The following KLHL5 variants were observed in gnomAD, a reference collection of about 807,000 sequenced individuals.
The protein encoded by KLHL5 is kelch-like protein 5.
Under a neutral mutation model 77.7 loss-of-function variants are expected in KLHL5, and 48 were observed. The observed-to-expected ratio is 0.62, with a 90% CI of 0.49 to 0.79. The LOEUF (loss-of-function observed/expected upper bound fraction) is 0.79, where lower values mean the gene tolerates loss of function less well. Among genes scored for constraint, KLHL5 ranks in the 30% least tolerant of loss-of-function variants. KLHL5 has a pLI of 0.00. For synonymous variants in KLHL5, 260 were observed against 297.0 expected (o/e 0.88, Z 1.28); for missense variants, 723 against 859.7 (o/e 0.84, Z 1.99).
intron 1 of KLHL5, among the ~76,000 whole-genome samples, chr4:39,073,217 A>G (rs544980864): frequency 2.4e-4 from 37 of 152,300 alleles, no homozygotes; most frequent in Non-Finnish European, 4.3e-4. Flanking sequence ...TTGTTTCAGC[A>G]TCTGAACCAA....
the KLHL5 span, chr4:39,135,730 CCT>C: frequency 3.3e-5 from 5 of 152,090 alleles, no homozygotes; most frequent in Admixed American, 3.3e-4. Flanking sequence ...GTGGTGAAAC[CCT>C]GTCTCTACTA....
chr4:39,077,417 G>A (rs868701020), intron 2 of KLHL5, among the ~76,000 whole-genome samples: 6 of 151,720 alleles, frequency 4.0e-5, no homozygotes, highest in Admixed American at 1.3e-4. Context: ...AGCCAAGATC[G>A]CGCCACTGCA....
chr4:39,117,793 G>C (rs1201580091), intron 10 of KLHL5, among the ~76,000 whole-genome samples: 1 of 152,156 alleles, frequency 6.6e-6, no homozygotes, highest in Admixed American at 6.5e-5. Flanking sequence ...AAACAGAAGA[G>C]GCCAGGTACG....
At chr4:39,091,296 T>A (rs1480465114) in intron 5 of KLHL5, among the ~76,000 whole-genome samples, 7 of 151,782 alleles carry the variant, frequency 4.6e-5, no homozygotes, top group South Asian at 4.1e-4. Flanking sequence ...GCCGGTTTTT[T>A]AAATTTTTTT....
chr4:39,075,346 A>G (rs1417155571), intron 1 of KLHL5, among the ~76,000 whole-genome samples: 2 of 152,154 alleles, frequency 1.3e-5, no homozygotes, highest in African/African-American at 2.4e-5. Context: ...AAAAAAAAAA[A>G]AAAGAAAGAA....
chr4:39,045,177 GCC>G (rs1716067875), intron 1 of KLHL5: 1 of 983,690 alleles, frequency 1.0e-6, no homozygotes, highest in South Asian at 4.7e-5. Context: ...CGACTCTCAC[GCC>G]CCGCTGCGGC....
intron 7 of KLHL5, 38 bp downstream of exon 7, chr4:39,103,549 T>G: frequency 6.7e-7 from 1 of 1,496,034 alleles, no homozygotes; most frequent in Non-Finnish European, 9.3e-7. Context: ...AAATATCACA[T>G]AGCTCCCACG....
intron 7 of KLHL5, among the ~76,000 whole-genome samples, chr4:39,104,859 G>A (rs868071296): frequency 1.3e-5 from 2 of 151,724 alleles, no homozygotes; most frequent in African/African-American, 4.8e-5. Context: ...TCCGCCTCCC[G>A]GGTTCAAGTG....
upstream of KLHL5, among the ~76,000 whole-genome samples, chr4:39,061,195 T>C (rs1335455986): frequency 1.3e-5 from 2 of 152,218 alleles, no homozygotes; most frequent in Admixed American, 6.5e-5. Flanking sequence ...ATACTTGGCT[T>C]TTTATGCTTC....
At chr4:39,076,976 A>G (rs912121635) in intron 2 of KLHL5, among the ~76,000 whole-genome samples, 7 of 152,078 alleles carry the variant, frequency 4.6e-5, no homozygotes, top group Admixed American at 3.3e-4. Context: ...AATGTCTGTA[A>G]GTTAACAGAC....
intron 2 of KLHL5, among the ~76,000 whole-genome samples, chr4:39,077,862 A>T (rs192024390): frequency 8.9e-4 from 136 of 152,364 alleles, no homozygotes; most frequent in Non-Finnish European, 1.6e-3. Flanking sequence ...TTGCAAAATT[A>T]TAGAACCAGC....
chr4:39,063,546 T>C, intron 1 of KLHL5: 1 of 438,252 alleles, frequency 2.3e-6, no homozygotes, highest in Non-Finnish European at 4.6e-6. Flanking sequence ...TTATGGTTAT[T>C]TCTCTTTGTC....
intron 7 of KLHL5, among the ~76,000 whole-genome samples, chr4:39,106,772 T>G (rs1577728737): frequency 6.6e-6 from 1 of 152,354 alleles, no homozygotes; most frequent in East Asian, 1.9e-4. Context: ...TTTTAATTTT[T>G]TTTAGAGACA....
upstream of KLHL5, among the ~76,000 whole-genome samples, chr4:39,058,699 T>C (rs972453426): frequency 2.0e-5 from 3 of 152,154 alleles, no homozygotes; most frequent in Non-Finnish European, 2.9e-5. Flanking sequence ...ATTTAAAAAA[T>C]AGTATAAGTA....
chr4:39,119,132 GTTAT>G (rs1399839811), intron 10 of KLHL5, among the ~76,000 whole-genome samples: 2 of 152,146 alleles, frequency 1.3e-5, no homozygotes, highest in Admixed American at 1.3e-4. Flanking sequence ...CTATCAGCCA[GTTAT>G]TTGAGACTTG....
chr4:39,106,524 A>G (rs1722048554), intron 7 of KLHL5, among the ~76,000 whole-genome samples: 1 of 152,238 alleles, frequency 6.6e-6, no homozygotes, highest in Non-Finnish European at 1.5e-5. Flanking sequence ...ATAAATTAAC[A>G]AATGAGTCTA....
Position 39,113,199 on chromosome 4 carries a change from A to G in KLHL5, c.1868A>G (p.Asn623Ser), listed in dbSNP as rs761725810. ...GGGGGGCACGATGCTCCCGCATCCA[A>G]CTTGACTTCCAGACTCTCAGACTGT... ...AIGGHDAPAS[N>S]LTSRLSDCVE... Residue 623 changes from asparagine to serine, a missense_variant, in exon 9 of 11, where the codon AAC (asparagine) becomes AGC (serine). By Grantham distance (46) the Asn-to-Ser change is conservative. Transcript: ENST00000504108. 9.3e-6 allele frequency: 15 copies of G among 1,614,084 alleles called. No homozygotes were observed. In the East Asian group the frequency reaches 3.3e-4, roughly 36 times the overall value.
intron 1 of KLHL5, among the ~76,000 whole-genome samples, chr4:39,068,691 A>G (rs1718130062): frequency 6.6e-6 from 1 of 152,178 alleles, no homozygotes; most frequent in Non-Finnish European, 1.5e-5. Context: ...TTTAAACTCC[A>G]AATTGTTTAA....
At chr4:39,089,330 T>C (rs1008117382) in intron 5 of KLHL5, among the ~76,000 whole-genome samples, 6 of 152,242 alleles carry the variant, frequency 3.9e-5, no homozygotes, top group Non-Finnish European at 8.8e-5. Context: ...ACAAGGAATA[T>C]AGAATGAAGA....
Sources: allele counts gnomAD v4.1 joint callset (sites outside exome capture counted in the v4.1 genomes callset), GRCh38; gene constraint gnomAD v4.1.1; transcripts MANE v1.5; gene names NCBI Gene and HGNC (gene_info 2026-07-23, HGNC 2026-07-21).